Variants in ITK observed in about 807,000 individuals in gnomAD.
The protein encoded by ITK is IL2 inducible T cell kinase.
Under a neutral mutation model 87.6 loss-of-function variants are expected in ITK, and 45 were observed. The observed-to-expected ratio is 0.51, with a 90% confidence interval of 0.40 to 0.66. The LOEUF (loss-of-function observed/expected upper bound fraction) is 0.66. Ranked by LOEUF, ITK falls within the 30% of genes least tolerant of loss-of-function variation. ITK has a pLI of 0.00. For missense variants in ITK, 605 were observed against 766.3 expected, an observed-to-expected ratio of 0.79 and a Z score of 2.48; for synonymous variants, 303 against 273.6, an observed-to-expected ratio of 1.11 and a Z score of -1.06.
chr5:157,202,118 G>A (rs1004045717), intron 1 of ITK, among the ~76,000 whole-genome samples: 2 of 152,124 alleles, frequency 1.3e-5, no homozygotes, highest in African/African-American at 4.8e-5. Flanking sequence ...TTGGGCTAAT[G>A]GCCTCCAACT....
intron 1 of ITK, among the ~76,000 whole-genome samples, chr5:157,202,504 C>T (rs1036584186): frequency 2.6e-5 from 4 of 152,198 alleles, no homozygotes; most frequent in East Asian, 1.9e-4. Context: ...TGAGCCACCA[C>T]GCCTGGCCTC....
At chr5:157,246,093 C>A in intron 15 of ITK, 94 bp downstream of exon 15, 1 of 888,102 alleles carries the variant, frequency 1.1e-6, no homozygotes, top group Non-Finnish European at 1.9e-6. Flanking sequence ...CACACTGAAC[C>A]CTGTATCATA....
At chr5:157,235,271 C>T (rs1474742287) in intron 8 of ITK, among the ~76,000 whole-genome samples, 1 of 152,152 alleles carries the variant, frequency 6.6e-6, no homozygotes, top group Non-Finnish European at 1.5e-5. Context: ...AGGTGGCACC[C>T]AAGTTATTCT....
At chr5:157,223,430 G>T (rs918164212) in intron 6 of ITK, among the ~76,000 whole-genome samples, 1 of 151,786 alleles carries the variant, frequency 6.6e-6, no homozygotes, top group African/African-American at 2.4e-5. Context: ...TATAGAGATG[G>T]TACAGATTGA....
In ITK at chr5:157,248,967, C is replaced by T; in HGVS notation, c.1751C>T (p.Ser584Phe). ...GFRLYKPRLASTHVYQIMNHC... is the reference protein window; with the variant it reads ...GFRLYKPRLAFTHVYQIMNHC... Reference sequence around the variant, plus strand: ...CGGTTGTACAAGCCCCGGCTGGCCTCCACACACGTCTACCAGATTATGAAT... The same window carrying T: ...CGGTTGTACAAGCCCCGGCTGGCCTTCACACACGTCTACCAGATTATGAAT... Residue 584 changes from serine (S) to phenylalanine (F), a missense_variant, in exon 16 of 17, where the codon TCC becomes TTC. Physicochemically the swap from Ser to Phe is radical, Grantham distance 155. This residue lies in a region of ITK where 71 missense variants were observed against 65.8 expected (regional missense o/e 1.08). Coordinates refer to ENST00000422843, the MANE Select transcript of ITK (RefSeq NM_005546.4). 1 of 1,613,862 alleles carries T rather than the reference C, an allele frequency of 6.2e-7. No homozygotes were observed. Among genetic ancestry groups the T allele is most frequent in the Non-Finnish European group, 8.5e-7 (1 of 1,179,806 alleles).
chr5:157,216,847 C>T (rs1466447709), intron 4 of ITK, among the ~76,000 whole-genome samples: 1 of 152,144 alleles, frequency 6.6e-6, no homozygotes, highest in Non-Finnish European at 1.5e-5. Flanking sequence ...ACCCAGGTCA[C>T]TATCCCAGCC....
At chr5:157,207,339 C>G (rs1754099454) in intron 1 of ITK, among the ~76,000 whole-genome samples, 1 of 148,910 alleles carries the variant, frequency 6.7e-6, no homozygotes, top group Non-Finnish European at 1.5e-5. Flanking sequence ...CACAGACACA[C>G]CCCAAAATAA....
At chr5:157,215,524 A>G (rs1224653165) in intron 4 of ITK, among the ~76,000 whole-genome samples, 1 of 152,250 alleles carries the variant, frequency 6.6e-6, no homozygotes, top group Non-Finnish European at 1.5e-5. Flanking sequence ...GATCCTACAC[A>G]TTAGTCCTGT....
At position 157,241,650 on chromosome 5, in the gene ITK, G is replaced by A. The variant is rs2113773250; in HGVS notation, c.990G>A (p.Leu330=). The A allele has an allele frequency of 6.2e-7, 1 of 1,613,506 alleles. No individual in the cohort carries two copies. The highest frequency in any genetic ancestry group is 8.5e-7 in the Non-Finnish European group (1 of 1,179,516). The part of the protein sequence containing the change: ...INYHQHNGGG[L]VTRLRYPVCF... ...TTGGCTTTTCAATCAACCCAGGCCT[G>A]GTGACTCGACTCCGGTATCCAGTTT... The change falls in exon 11 of 17, where the codon CTG becomes CTA. Residue 330 remains leucine, a synonymous_variant. Transcript: ENST00000422843.
chr5:157,183,479 A>G (rs1753580409), intron 1 of ITK, among the ~76,000 whole-genome samples: 1 of 152,266 alleles, frequency 6.6e-6, no homozygotes, highest in African/African-American at 2.4e-5. Flanking sequence ...CAAACAATTC[A>G]ACTTAATATA....
At chr5:157,183,695 G>T (rs184284569) in intron 1 of ITK, among the ~76,000 whole-genome samples, 93 of 152,262 alleles carry the variant, frequency 6.1e-4, no homozygotes, top group African/African-American at 2.1e-3. Context: ...TATAAGTTTT[G>T]TGGGGTAGAT....
intron 7 of ITK, among the ~76,000 whole-genome samples, chr5:157,231,361 C>T (rs1292113756): frequency 6.6e-6 from 1 of 152,210 alleles, no homozygotes; most frequent in Non-Finnish European, 1.5e-5. Flanking sequence ...TTTCAATGCA[C>T]AGCTCTAGGC....
chr5:157,235,585 A>T (rs1041134452), intron 8 of ITK, among the ~76,000 whole-genome samples: 15 of 152,156 alleles, frequency 9.9e-5, no homozygotes, highest in African/African-American at 3.4e-4. Flanking sequence ...AACATCTCAC[A>T]CATAGGGTGA....
chr5:157,222,737 T>A, intron 5 of ITK, 126 bp from the exon 6 acceptor site: 1 of 860,072 alleles, frequency 1.2e-6, no homozygotes. Flanking sequence ...TTCAGCGCTG[T>A]AACTCTAACT....
At chr5:157,183,140 T>C (rs1186885161) in intron 1 of ITK, among the ~76,000 whole-genome samples, 1 of 152,038 alleles carries the variant, frequency 6.6e-6, no homozygotes, top group Non-Finnish European at 1.5e-5. Context: ...TTAATTATTA[T>C]AGAAGTTTAT....
intron 5 of ITK, among the ~76,000 whole-genome samples, chr5:157,220,511 C>A (rs1754393019): frequency 6.6e-6 from 1 of 152,142 alleles, no homozygotes; most frequent in Non-Finnish European, 1.5e-5. Flanking sequence ...CTGTGAGGGC[C>A]CCTCAGCCCC....
Position 157,254,474 on chromosome 5 carries a change from T to C in ITK, c.*1796T>C, listed in dbSNP as rs114310436. On this transcript the variant is annotated 3_prime_UTR_variant, in exon 17 of 17. Transcript: ENST00000422843. ...TTTCAGCTGTAGTCTTCTTGAACAC[T>C]TCATGAGGAGGGACATTCCCTGATA... 1,192 of 220,872 alleles carry C rather than the reference T, an allele frequency of 5.4e-3. 15 individuals carry two copies. Among genetic ancestry groups the C allele is most frequent in the African/African-American group, 0.024 (1,083 of 44,742 alleles). 13.7% of individuals were successfully genotyped at this position (220,872 alleles called of 1,614,324 possible). A position where few individuals can be genotyped will look rare whatever the true frequency, so the allele number is the denominator to read the frequency against.
intron 5 of ITK, among the ~76,000 whole-genome samples, chr5:157,222,428 G>A (rs949533774): frequency 2.0e-5 from 3 of 152,172 alleles, no homozygotes; most frequent in African/African-American, 4.8e-5. Flanking sequence ...ATGAAAAAGT[G>A]TATTAAGTGA....
rs199517255 is a variant in ITK, at chr5:157,245,755, C to T, written c.1479C>T (p.Asn493=). 12 of 1,614,022 alleles carry T rather than the reference C, an allele frequency of 7.4e-6. No individual in the cohort carries two copies. The highest frequency in any genetic ancestry group is 8.5e-6 in the Non-Finnish European group (10 of 1,180,036). The part of the protein sequence containing the change: ...LAARNCLVGE[N]QVIKVSDFGM... Reference sequence around the variant, plus strand: ...CCAGAAATTGTTTGGTGGGAGAAAACCAAGTCATCAAGGTGTCTGACTTTG... The same window carrying T: ...CCAGAAATTGTTTGGTGGGAGAAAATCAAGTCATCAAGGTGTCTGACTTTG... The change falls in exon 14 of 17, where the codon AAC becomes AAT. Residue 493 remains asparagine, a synonymous_variant. Coordinates refer to ENST00000422843, the MANE Select transcript of ITK (RefSeq NM_005546.4).
Sources: gnomAD v4.1 joint callset for allele counts (sites outside exome capture counted in the v4.1 genomes callset) on GRCh38, gnomAD v4.1.1 for gene constraint, gnomAD v4.1.1 regional missense constraint, MANE v1.5 for transcripts, NCBI Gene and HGNC (gene_info 2026-07-23, HGNC 2026-07-21) for gene names.